GPC6: variants seen among roughly 807,000 people sequenced by gnomAD.
GPC6 encodes the protein glypican 6.
A neutral mutation model predicts 55.2 loss-of-function variants in GPC6; 14 were observed. The observed-to-expected ratio is 0.25, with a 90% CI of 0.17 to 0.40. The LOEUF is 0.40. GPC6 is among the 10% of genes least tolerant of loss of function. The pLI is 1.00. For missense variants in GPC6, 641 were observed against 708.5 expected (o/e 0.90, Z 1.08); for synonymous variants, 278 against 259.6 (o/e 1.07, Z -0.68).
At chr13:93,997,898 G>A (rs1040271622) in intron 3 of GPC6, among the ~76,000 whole-genome samples, 3 of 152,112 alleles carry the variant, frequency 2.0e-5, no homozygotes, top group East Asian at 1.9e-4. Flanking sequence ...GTTGAGACAT[G>A]GTTACAATGA....
chr13:93,726,388 A>G (rs1267831826), intron 2 of GPC6, among the ~76,000 whole-genome samples: 3 of 152,120 alleles, frequency 2.0e-5, no homozygotes, highest in African/African-American at 7.2e-5. Flanking sequence ...CTCCCTGGCC[A>G]ATAACCTTCC....
At position 93,426,184 on chromosome 13, in the gene GPC6, C is replaced by A. The variant is rs186343998; in HGVS notation, c.161-119079C>A. The stretch of plus-strand genomic sequence containing the variant: ...TGTAACAGAAACTGTTTAGATGATA[C>A]TTCCTATAGCTTCTATAGTCTAGGC... On this transcript the variant is annotated intron_variant, in intron 1 of 8. Coordinates refer to ENST00000377047, the MANE Select transcript of GPC6 (RefSeq NM_005708.5). 4.6e-3 allele frequency among the ~76,000 whole-genome samples: 695 copies of A among 152,190 alleles called. 1 individual carries two copies. Among genetic ancestry groups the A allele is most frequent in the Non-Finnish European group, 7.9e-3 (535 of 67,996 alleles).
intron 4 of GPC6, among the ~76,000 whole-genome samples, chr13:94,121,842 A>G (rs915355692): frequency 6.6e-5 from 10 of 152,080 alleles, no homozygotes; most frequent in African/African-American, 2.4e-4. Context: ...TTCATGTTCA[A>G]GATTCTTCAC....
At chr13:93,309,296 T>C (rs1046041811) in intron 1 of GPC6, among the ~76,000 whole-genome samples, 1 of 152,100 alleles carries the variant, frequency 6.6e-6, no homozygotes, top group Non-Finnish European at 1.5e-5. Flanking sequence ...TGATAAGAAA[T>C]GACTTTAAAA....
chr13:93,696,507 A>T (rs1468192273), intron 2 of GPC6, among the ~76,000 whole-genome samples: 1 of 151,606 alleles, frequency 6.6e-6, no homozygotes, highest in Non-Finnish European at 1.5e-5. Flanking sequence ...TAAACAATGA[A>T]CTCATTTATA....
At chr13:93,443,002 C>G (rs1331668035) in intron 1 of GPC6, among the ~76,000 whole-genome samples, 1 of 151,978 alleles carries the variant, frequency 6.6e-6, no homozygotes, top group Admixed American at 6.6e-5. Flanking sequence ...TGTTTTCTTT[C>G]TAGAAAACAA....
chr13:93,675,953 G>T (rs1418379402), intron 2 of GPC6, among the ~76,000 whole-genome samples: 1 of 151,488 alleles, frequency 6.6e-6, no homozygotes, highest in Non-Finnish European at 1.5e-5. Flanking sequence ...TCAAAGTAAT[G>T]AAGATTTGAA....
chr13:93,626,086 T>C (rs1259941697), intron 2 of GPC6, among the ~76,000 whole-genome samples: 2 of 152,186 alleles, frequency 1.3e-5, no homozygotes, highest in African/African-American at 4.8e-5. Flanking sequence ...ATGCACAATT[T>C]CATTTGCTAC....
rs913006279 is a variant in GPC6, at chr13:93,343,015, T to C, written c.160+115399T>C. Reference sequence around the variant, plus strand: ...CACAAATTCAGTCATTGATACACACTGGATATTTTTTCTTTTGCAGGTCTC... The same window carrying C: ...CACAAATTCAGTCATTGATACACACCGGATATTTTTTCTTTTGCAGGTCTC... On this transcript the variant is annotated intron_variant, in intron 1 of 8. Transcript: ENST00000377047. Among the ~76,000 whole-genome samples the C allele has an allele frequency of 1.1e-4, 17 of 152,282 alleles. No homozygotes were observed. The South Asian group carries it at 3.5e-3, about 32-fold the overall frequency.
At chr13:93,404,876 A>G (rs1256092392) in intron 1 of GPC6, among the ~76,000 whole-genome samples, 1 of 152,190 alleles carries the variant, frequency 6.6e-6, no homozygotes, top group African/African-American at 2.4e-5. Context: ...AATAAATACT[A>G]TCACATAGAA....
At chr13:93,832,811 A>G (rs1887570510) in intron 3 of GPC6, among the ~76,000 whole-genome samples, 1 of 152,280 alleles carries the variant, frequency 6.6e-6, no homozygotes, top group African/African-American at 2.4e-5. Flanking sequence ...TTTCTCTAGA[A>G]GTGGTGAGAA....
intron 4 of GPC6, among the ~76,000 whole-genome samples, chr13:94,162,614 G>T (rs1311541958): frequency 6.6e-6 from 1 of 152,124 alleles, no homozygotes; most frequent in Non-Finnish European, 1.5e-5. Flanking sequence ...AGCGAAAGGA[G>T]GGAATGGAGA....
intron 4 of GPC6, among the ~76,000 whole-genome samples, chr13:94,126,771 A>G (rs1383421815): frequency 6.6e-6 from 1 of 152,204 alleles, no homozygotes; most frequent in Admixed American, 6.5e-5. Context: ...TATTGATAAC[A>G]TAAGAAGTTG....
intron 1 of GPC6, among the ~76,000 whole-genome samples, chr13:93,414,858 AC>A (rs1342777102): frequency 6.6e-6 from 1 of 152,106 alleles, no homozygotes; most frequent in Non-Finnish European, 1.5e-5. Flanking sequence ...ACTTAGTCCC[AC>A]TTTTTGGCCT....
chr13:93,882,090 T>G (rs1318173494), intron 3 of GPC6, among the ~76,000 whole-genome samples: 1 of 151,754 alleles, frequency 6.6e-6, no homozygotes, highest in East Asian at 1.9e-4. Flanking sequence ...CTTTTTTTTC[T>G]TTCTTTCTTT....
At chr13:93,794,904 G>A (rs1389182592) in intron 2 of GPC6, among the ~76,000 whole-genome samples, 1 of 152,146 alleles carries the variant, frequency 6.6e-6, no homozygotes, top group African/African-American at 2.4e-5. Flanking sequence ...TGCTCTTCAA[G>A]CGTGCTTTAT....
intron 4 of GPC6, among the ~76,000 whole-genome samples, chr13:94,075,545 G>T (rs938850288): frequency 3.3e-5 from 5 of 152,058 alleles, no homozygotes; most frequent in Non-Finnish European, 5.9e-5. Context: ...TTGTACAGCA[G>T]CTCTTAAGAA....
At chr13:93,515,061 C>T (rs1422028461) in intron 1 of GPC6, among the ~76,000 whole-genome samples, 2 of 151,992 alleles carry the variant, frequency 1.3e-5, no homozygotes, top group African/African-American at 4.8e-5. Flanking sequence ...ATCTGTGTGC[C>T]CCTACAAGAA....
chr13:94,133,909 C>G (rs1405575545), intron 4 of GPC6, among the ~76,000 whole-genome samples: 2 of 152,046 alleles, frequency 1.3e-5, no homozygotes, highest in East Asian at 1.9e-4. Context: ...GACAGGTACA[C>G]ACAATGAATA....
Sources: allele counts gnomAD v4.1 joint callset (sites outside exome capture counted in the v4.1 genomes callset), GRCh38; gene constraint gnomAD v4.1.1; transcripts MANE v1.5; gene names NCBI Gene and HGNC (gene_info 2026-07-23, HGNC 2026-07-21).